Variants in ACKR3 observed in about 807,000 individuals in gnomAD.
ACKR3 encodes C-X-C chemokine receptor type 7.
In ACKR3, 6 loss-of-function variants were observed where a neutral mutation model predicts 22.4. The ratio of observed to expected loss-of-function variants is 0.27; its 90% CI spans 0.15 to 0.53. The LOEUF is 0.53. Ranked by LOEUF, ACKR3 falls within the 20% of genes least tolerant of loss-of-function variation. The pLI, the probability that ACKR3 is intolerant of heterozygous loss-of-function variation, is 0.96. For synonymous variants in ACKR3, 209 were observed against 205.2 expected (o/e 1.02, Z -0.16); for missense variants, 396 against 475.2 (o/e 0.83, Z 1.55).
chr2:236,565,308 G>A (rs781114399), upstream of ACKR3, among the ~76,000 whole-genome samples: 3 of 152,150 alleles, frequency 2.0e-5, no homozygotes, highest in Non-Finnish European at 2.9e-5. Context: ...TAAAATATGC[G>A]ATTCCAGCGT....
At chr2:236,562,648 C>T in the ACKR3 span, among the ~76,000 whole-genome samples, 1 of 151,748 alleles carries the variant, frequency 6.6e-6, no homozygotes, top group Non-Finnish European at 1.5e-5. Flanking sequence ...GGACTATGAG[C>T]TATTTGTTAT....
At chr2:236,537,556 C>G in the ACKR3 span, among the ~76,000 whole-genome samples, 1 of 152,170 alleles carries the variant, frequency 6.6e-6, no homozygotes, top group South Asian at 2.1e-4. Context: ...ATTGGGCCAC[C>G]CTGGCATAAA....
the ACKR3 span, among the ~76,000 whole-genome samples, chr2:236,558,422 C>T: frequency 6.6e-6 from 1 of 152,146 alleles, no homozygotes; most frequent in Admixed American, 6.5e-5. Context: ...CGAGAACAAC[C>T]AGAGGCGCTT....
the ACKR3 span, among the ~76,000 whole-genome samples, chr2:236,550,857 G>C: frequency 1.3e-5 from 2 of 152,164 alleles, no homozygotes; most frequent in Non-Finnish European, 2.9e-5. The surrounding 1 kb of genome is among the most constrained non-coding windows in gnomAD (Gnocchi z 4.6). Flanking sequence ...ACCACTTTCC[G>C]TGTCATGTGC....
At chr2:236,557,604 A>G in the ACKR3 span, among the ~76,000 whole-genome samples, 13 of 152,280 alleles carry the variant, frequency 8.5e-5, no homozygotes, top group Non-Finnish European at 1.5e-4. Flanking sequence ...TAACTCACGA[A>G]ATAGAACAGT....
In ACKR3 at chr2:236,580,512, A is replaced by G. The variant is rs772778722; in HGVS notation, c.47A>G (p.Asp16Gly). ...FDYSEPGNFS[D>G]ISWPCNSSDC... ...TACTCAGAGCCAGGGAACTTCTCGGACATCAGCTGGCCATGCAACAGCAGC... is the reference window on the plus strand; with the variant it reads ...TACTCAGAGCCAGGGAACTTCTCGGGCATCAGCTGGCCATGCAACAGCAGC... The change falls in exon 2 of 2, where the codon GAC becomes GGC. Residue 16 changes from aspartate to glycine, a missense_variant. By Grantham distance (94) the Asp-to-Gly change is moderately conservative. Coordinates refer to ENST00000272928, the MANE Select transcript of ACKR3 (RefSeq NM_020311.3). 1 of 1,614,224 alleles carries G rather than the reference A, an allele frequency of 6.2e-7. No homozygotes were observed. Among genetic ancestry groups the G allele is most frequent in the East Asian group, 2.2e-5 (1 of 44,888 alleles).
upstream of ACKR3, among the ~76,000 whole-genome samples, chr2:236,567,050 G>T (rs902599820): frequency 6.6e-6 from 1 of 151,520 alleles, no homozygotes; most frequent in Non-Finnish European, 1.5e-5. Flanking sequence ...TGTCACCCAG[G>T]CTGGATTGCA....
intron 1 of ACKR3, among the ~76,000 whole-genome samples, chr2:236,576,229 G>T (rs1276356284): frequency 6.6e-6 from 1 of 152,222 alleles, no homozygotes; most frequent in Non-Finnish European, 1.5e-5. Flanking sequence ...AGGCCCTGTG[G>T]CTATCGGCCT....
At chr2:236,543,967 A>ATG in the ACKR3 span, among the ~76,000 whole-genome samples, 1 of 64,888 alleles carries the variant, frequency 1.5e-5, no homozygotes, top group Non-Finnish European at 2.7e-5. Flanking sequence ...ATATATATAT[A>ATG]TATATATATA....
At chr2:236,568,818 C>G (rs1056739259), upstream of ACKR3, among the ~76,000 whole-genome samples, 7 of 152,208 alleles carry the variant, frequency 4.6e-5, no homozygotes, top group Non-Finnish European at 1.0e-4. Context: ...AGTTTTAGCT[C>G]TGGAGAAGGC....
the ACKR3 span, among the ~76,000 whole-genome samples, chr2:236,543,975 A>ATGTATATG: frequency 1.6e-5 from 1 of 61,174 alleles, no homozygotes; most frequent in Non-Finnish European, 2.7e-5. Context: ...ATATATATAT[A>ATGTATATG]TATATATATA....
the ACKR3 span, among the ~76,000 whole-genome samples, chr2:236,555,801 T>C: frequency 6.9e-6 from 1 of 144,092 alleles, no homozygotes; most frequent in African/African-American, 2.7e-5. Context: ...TCAACTTACA[T>C]GGCCTTTTTA....
At chr2:236,560,316 C>CTTTTTTT in the ACKR3 span, among the ~76,000 whole-genome samples, 5 of 118,932 alleles carry the variant, frequency 4.2e-5, 1 homozygote, top group African/African-American at 1.0e-4. Flanking sequence ...CACTTGTTGC[C>CTTTTTTT]TTTTTTTTTT....
chr2:236,541,463 C>T, the ACKR3 span, among the ~76,000 whole-genome samples: 1 of 152,170 alleles, frequency 6.6e-6, no homozygotes, highest in African/African-American at 2.4e-5. Flanking sequence ...AAATGTGCAT[C>T]TAAGTCAAAA....
chr2:236,565,764 G>A (rs906243106), upstream of ACKR3, among the ~76,000 whole-genome samples: 1 of 152,174 alleles, frequency 6.6e-6, no homozygotes, highest in Non-Finnish European at 1.5e-5. Flanking sequence ...ATATATCAGG[G>A]TTCCAAGCCA....
upstream of ACKR3, among the ~76,000 whole-genome samples, chr2:236,564,296 A>G (rs2106493525): frequency 6.6e-6 from 1 of 152,336 alleles, no homozygotes; most frequent in South Asian, 2.1e-4. Flanking sequence ...CCTAAAGAAC[A>G]TTGCAACTGG....
At chr2:236,538,979 G>T in the ACKR3 span, among the ~76,000 whole-genome samples, 2 of 152,160 alleles carry the variant, frequency 1.3e-5, no homozygotes, top group Admixed American at 1.3e-4. Context: ...GCTATAGATT[G>T]TGCTCTCAGG....
the ACKR3 span, among the ~76,000 whole-genome samples, chr2:236,537,781 G>A: frequency 2.2e-3 from 336 of 152,302 alleles, 1 homozygote; most frequent in Non-Finnish European, 3.9e-3. Flanking sequence ...CATCACCCAC[G>A]TGCTCTCTTC....
At chr2:236,540,799 T>C in the ACKR3 span, among the ~76,000 whole-genome samples, 1 of 152,244 alleles carries the variant, frequency 6.6e-6, no homozygotes, top group Admixed American at 6.5e-5. Flanking sequence ...AATTGATCAA[T>C]CATGTATGTG....
Sources: allele counts gnomAD v4.1 joint callset (sites outside exome capture counted in the v4.1 genomes callset), GRCh38; gene constraint gnomAD v4.1.1; non-coding constraint Gnocchi (gnomAD v3.1); transcripts MANE v1.5; gene names NCBI Gene and HGNC (gene_info 2026-07-23, HGNC 2026-07-21).